Variants in SUPT3H observed in about 807,000 individuals in gnomAD.
SUPT3H encodes the protein transcription initiation protein SPT3 homolog.
SUPT3H carries 44 observed loss-of-function variants against 44.3 expected under a neutral mutation model. The ratio of observed to expected loss-of-function variants is 0.99; its 90% CI spans 0.78 to 1.28. SUPT3H has a LOEUF of 1.28. Ranked by LOEUF, SUPT3H falls within the 50% of genes most tolerant of loss-of-function variation. The pLI, the probability that SUPT3H is intolerant of heterozygous loss-of-function variation, is 0.00. For missense variants in SUPT3H, 380 were observed against 387.1 expected (o/e 0.98, Z 0.15); for synonymous variants, 124 against 125.6 (o/e 0.99, Z 0.09).
chr6:44,837,185 G>A (rs986154643), intron 10 of SUPT3H, among the ~76,000 whole-genome samples: 2 of 152,156 alleles, frequency 1.3e-5, no homozygotes, highest in Non-Finnish European at 2.9e-5. Flanking sequence ...AAATTGGCAG[G>A]AGTTAGTAAC....
chr6:44,959,937 C>T (rs1419092425), intron 7 of SUPT3H, among the ~76,000 whole-genome samples: 3 of 152,124 alleles, frequency 2.0e-5, no homozygotes, highest in African/African-American at 7.2e-5. Context: ...TGGATTAAAG[C>T]ATTCTCAACC....
intron 9 of SUPT3H, among the ~76,000 whole-genome samples, chr6:44,937,240 C>A (rs191663339): frequency 4.6e-5 from 7 of 151,938 alleles, no homozygotes; most frequent in Admixed American, 4.6e-4. Flanking sequence ...GCCTGTAATC[C>A]CAGCACTTTG....
At chr6:45,176,811 C>A (rs1812013196) in intron 2 of SUPT3H, among the ~76,000 whole-genome samples, 1 of 152,226 alleles carries the variant, frequency 6.6e-6, no homozygotes, top group East Asian at 1.9e-4. Flanking sequence ...CCAGCAGGGG[C>A]AGACTGACAC....
At chr6:45,284,155 T>C (rs570789174) in intron 2 of SUPT3H, among the ~76,000 whole-genome samples, 35 of 152,180 alleles carry the variant, frequency 2.3e-4, no homozygotes, top group African/African-American at 7.5e-4. Flanking sequence ...AGATCTAAAA[T>C]TGACACCCTA....
chr6:44,887,474 G>C (rs1367163879), intron 10 of SUPT3H, among the ~76,000 whole-genome samples: 9 of 151,984 alleles, frequency 5.9e-5, no homozygotes, highest in African/African-American at 1.2e-4. Context: ...TCACTCAAAA[G>C]TGCTCAAGTA....
chr6:44,851,479 TACTC>T (rs1772875072), intron 10 of SUPT3H, among the ~76,000 whole-genome samples: 2 of 152,306 alleles, frequency 1.3e-5, no homozygotes, highest in Admixed American at 6.5e-5. Context: ...TCTACCAAAA[TACTC>T]AGTCTCTAAG....
At chr6:45,247,215 G>C (rs968768015) in intron 2 of SUPT3H, among the ~76,000 whole-genome samples, 1 of 152,178 alleles carries the variant, frequency 6.6e-6, no homozygotes, top group Non-Finnish European at 1.5e-5. Context: ...GAAGTAGAAA[G>C]AGACAACTGG....
chr6:45,072,930 T>C (rs553566541), intron 3 of SUPT3H, among the ~76,000 whole-genome samples: 2 of 152,076 alleles, frequency 1.3e-5, no homozygotes, highest in African/African-American at 4.8e-5. Flanking sequence ...AGTTAAAAAG[T>C]TTAAAAAAAA....
chr6:45,146,471 G>A (rs549141216), intron 2 of SUPT3H, among the ~76,000 whole-genome samples: 1 of 152,162 alleles, frequency 6.6e-6, no homozygotes, highest in African/African-American at 2.4e-5. Context: ...AGTATACACT[G>A]GGTACAGCAT....
intron 10 of SUPT3H, among the ~76,000 whole-genome samples, chr6:44,877,468 CAAA>C (rs5875897): frequency 1.1e-4 from 14 of 122,462 alleles, no homozygotes; most frequent in Admixed American, 1.7e-4. Flanking sequence ...GACTCAGTCT[CAAA>C]AAAAAAAAAA....
At chr6:44,894,309 C>T (rs1375199265) in intron 10 of SUPT3H, among the ~76,000 whole-genome samples, 1 of 151,794 alleles carries the variant, frequency 6.6e-6, no homozygotes, top group Non-Finnish European at 1.5e-5. Context: ...TGCCTATGTC[C>T]TGAATGGTAA....
intron 3 of SUPT3H, among the ~76,000 whole-genome samples, chr6:45,033,669 G>GGAGTGT (rs1187787528): frequency 6.6e-6 from 1 of 152,132 alleles, no homozygotes; most frequent in Non-Finnish European, 1.5e-5. Flanking sequence ...ACTATATTGA[G>GGAGTGT]GAGTGTGTAA....
intron 10 of SUPT3H, among the ~76,000 whole-genome samples, chr6:44,884,410 T>G (rs1262501815): frequency 6.6e-6 from 1 of 151,964 alleles, no homozygotes; most frequent in South Asian, 2.1e-4. Flanking sequence ...TTGGTGGGAG[T>G]GTAAATCAGT....
intron 3 of SUPT3H, among the ~76,000 whole-genome samples, chr6:45,055,297 C>T (rs905991768): frequency 2.6e-5 from 4 of 152,122 alleles, no homozygotes; most frequent in Non-Finnish European, 5.9e-5. Context: ...CATCATCATT[C>T]TTCACAGAAC....
chr6:45,188,169 C>G (rs750656946), intron 2 of SUPT3H, among the ~76,000 whole-genome samples: 1 of 152,196 alleles, frequency 6.6e-6, no homozygotes, highest in African/African-American at 2.4e-5. Context: ...TTAATAATGA[C>G]GCCAAAGGGC....
At chr6:45,175,296 G>A (rs1811546572) in intron 2 of SUPT3H, among the ~76,000 whole-genome samples, 2 of 152,144 alleles carry the variant, frequency 1.3e-5, no homozygotes, top group South Asian at 4.1e-4. Context: ...AAGGAAAGAG[G>A]TTTAACTGAT....
intron 3 of SUPT3H, chr6:45,098,510 C>T (rs931239948): frequency 1.6e-5 from 4 of 250,072 alleles, no homozygotes; most frequent in Non-Finnish European, 3.2e-5. Context: ...GTAAGCCCCA[C>T]ATTTGCTCCT....
intron 10 of SUPT3H, among the ~76,000 whole-genome samples, chr6:44,882,822 A>G (rs900138918): frequency 1.3e-5 from 2 of 152,214 alleles, no homozygotes; most frequent in South Asian, 2.1e-4. Context: ...AAGGCCTTCG[A>G]TAAAATTCAA....
chr6:45,078,588 G>A (rs1795330758), intron 3 of SUPT3H, among the ~76,000 whole-genome samples: 1 of 152,132 alleles, frequency 6.6e-6, no homozygotes, highest in Admixed American at 6.5e-5. Flanking sequence ...TTTCTTGTAA[G>A]TCTGGTCAAG....
Sources: allele counts gnomAD v4.1 joint callset (sites outside exome capture counted in the v4.1 genomes callset), GRCh38; gene constraint gnomAD v4.1.1; transcripts MANE v1.5; gene names NCBI Gene and HGNC (gene_info 2026-07-23, HGNC 2026-07-21).